PAN3: variants seen among roughly 807,000 people sequenced by gnomAD.
PAN3 encodes the protein PAN2-PAN3 deadenylation complex subunit PAN3.
In PAN3, 19 loss-of-function variants were observed where a neutral mutation model predicts 96.2. The ratio of observed to expected loss-of-function variants is 0.20; its 90% CI spans 0.14 to 0.29. PAN3 has a LOEUF of 0.29. Among genes scored for constraint, PAN3 ranks in the 10% least tolerant of loss-of-function variants. The pLI, the probability that PAN3 is intolerant of heterozygous loss-of-function variation, is 1.00. For synonymous variants in PAN3, 433 were observed against 406.6 expected (o/e 1.06, Z -0.78); for missense variants, 882 against 1,108.1 (o/e 0.80, Z 2.90).
At chr13:28,239,185 A>G (rs907044485) in intron 6 of PAN3, among the ~76,000 whole-genome samples, 1 of 104,094 alleles carries the variant, frequency 9.6e-6, no homozygotes. Context: ...ACACACACAC[A>G]CACGCATGCA....
intron 12 of PAN3, among the ~76,000 whole-genome samples, chr13:28,268,700 T>G (rs746611646): frequency 6.6e-6 from 1 of 152,160 alleles, no homozygotes; most frequent in Non-Finnish European, 1.5e-5. Context: ...ACTTGAAAAT[T>G]AAAGAGGAGG....
intron 14 of PAN3, among the ~76,000 whole-genome samples, chr13:28,272,522 A>G (rs1170192543): frequency 6.6e-6 from 1 of 151,526 alleles, no homozygotes; most frequent in Non-Finnish European, 1.5e-5. Flanking sequence ...TACTTAGTGT[A>G]GAGCCCTTGT....
At chr13:28,149,746 G>GT (rs1052907968) in intron 1 of PAN3, among the ~76,000 whole-genome samples, 20 of 152,120 alleles carry the variant, frequency 1.3e-4, no homozygotes, top group African/African-American at 4.6e-4. Context: ...CTCCTTAGTA[G>GT]TTAGGTCTAC....
chr13:28,286,822 T>A (rs1191684681), intron 17 of PAN3, among the ~76,000 whole-genome samples: 1 of 152,220 alleles, frequency 6.6e-6, no homozygotes, highest in Non-Finnish European at 1.5e-5. Context: ...TTTGCAAACA[T>A]ACATATATGA....
At chr13:28,268,633 A>G (rs1031097253) in intron 12 of PAN3, among the ~76,000 whole-genome samples, 16 of 152,266 alleles carry the variant, frequency 1.1e-4, no homozygotes, top group Non-Finnish European at 1.5e-4. Flanking sequence ...GTCTCAGTCT[A>G]TGGGGGCAAG....
chr13:28,184,853 C>T (rs1876260064), intron 4 of PAN3, among the ~76,000 whole-genome samples: 1 of 152,000 alleles, frequency 6.6e-6, no homozygotes, highest in Non-Finnish European at 1.5e-5. Context: ...TGTAAGAGGT[C>T]TTTGTACATT....
chr13:28,235,688 C>CACAT (rs199517103), intron 6 of PAN3, among the ~76,000 whole-genome samples: 1,938 of 101,992 alleles, frequency 0.019, 25 homozygotes, highest in African/African-American at 0.05. Context: ...AATATACACA[C>CACAT]ACACACATAC....
intron 5 of PAN3, among the ~76,000 whole-genome samples, chr13:28,216,693 C>G (rs1880810336): frequency 6.6e-6 from 1 of 152,072 alleles, no homozygotes; most frequent in Non-Finnish European, 1.5e-5. Context: ...GTTTCTCATT[C>G]ATCCCATCAT....
chr13:28,214,980 G>A, intron 5 of PAN3: 2 of 1,362,230 alleles, frequency 1.5e-6, no homozygotes, highest in Non-Finnish European at 1.0e-6. Context: ...TAACAAAATG[G>A]ATTCCACTGA....
At chr13:28,221,525 A>G (rs748822630) in intron 6 of PAN3, among the ~76,000 whole-genome samples, 7 of 152,140 alleles carry the variant, frequency 4.6e-5, no homozygotes, top group Non-Finnish European at 7.4e-5. Flanking sequence ...GAAAAATGGG[A>G]GAAGATAAAG....
intron 6 of PAN3, chr13:28,232,735 T>A (rs1882709770): frequency 6.6e-6 from 1 of 152,144 alleles, no homozygotes. Context: ...GTATTAGGAA[T>A]CACATTAAGT....
intron 6 of PAN3, among the ~76,000 whole-genome samples, chr13:28,238,653 G>A (rs527873826): frequency 1.3e-5 from 2 of 152,062 alleles, no homozygotes; most frequent in African/African-American, 4.8e-5. Flanking sequence ...AGTTGTATTG[G>A]CCACCTTCAT....
intron 6 of PAN3, among the ~76,000 whole-genome samples, chr13:28,226,560 A>G (rs1170653649): frequency 6.6e-6 from 1 of 152,228 alleles, no homozygotes; most frequent in East Asian, 1.9e-4. Flanking sequence ...ATGGTGTTTA[A>G]TAAATGCTTA....
At position 28,171,899 on chromosome 13, in the gene PAN3, C is replaced by A. The variant is rs1874357134; in HGVS notation, c.431-2373C>A. 3.3e-5 allele frequency among the ~76,000 whole-genome samples: 5 copies of A among 152,218 alleles called. No homozygotes were observed. The South Asian group carries it at 1.0e-3, about 32-fold the overall frequency. On this transcript the variant is annotated intron_variant, in intron 1 of 18. Coordinates refer to ENST00000380958, the MANE Select transcript of PAN3 (RefSeq NM_175854.8). ...CTGGTGAACGGCTCCCATCTAGGTACCTAACAAAAGTCACCTCATTAGAAC... is the reference window on the plus strand; with the variant it reads ...CTGGTGAACGGCTCCCATCTAGGTAACTAACAAAAGTCACCTCATTAGAAC...
intron 5 of PAN3, among the ~76,000 whole-genome samples, chr13:28,212,841 A>G (rs192289386): frequency 6.6e-6 from 1 of 152,306 alleles, no homozygotes; most frequent in East Asian, 1.9e-4. Context: ...GTGACCTAAT[A>G]TCCTTATAAT....
chr13:28,255,887 A>C (rs977976047), intron 6 of PAN3, among the ~76,000 whole-genome samples: 3 of 152,014 alleles, frequency 2.0e-5, no homozygotes, highest in African/African-American at 7.2e-5. Context: ...ATGATTCTTA[A>C]TAAAAAAGGA....
intron 4 of PAN3, among the ~76,000 whole-genome samples, chr13:28,183,481 G>C (rs1489089812): frequency 1.3e-5 from 2 of 152,170 alleles, no homozygotes; most frequent in East Asian, 3.8e-4. Flanking sequence ...TGCCATCTCA[G>C]CCTAAGCCAA....
chr13:28,167,049 T>C (rs1873636619), intron 1 of PAN3, among the ~76,000 whole-genome samples: 1 of 151,746 alleles, frequency 6.6e-6, no homozygotes, highest in African/African-American at 2.4e-5. Flanking sequence ...TCTATATGAA[T>C]CTCTTTACCT....
At position 28,264,247 on chromosome 13, in the gene PAN3, A is replaced by G. The variant is rs190123380; in HGVS notation, c.1412-2468A>G. Among the ~76,000 whole-genome samples, 849 of 152,298 alleles carry G rather than the reference A, an allele frequency of 5.6e-3. 5 individuals carry two copies. Among genetic ancestry groups the G allele is most frequent in the Middle Eastern group, 0.024 (7 of 294 alleles). ...GATGCTCTTTTAAAAAGATATAAAA[A>G]AGAAAAACGCGCCGGGCGCAGTGGC... On this transcript the variant is annotated intron_variant, in intron 9 of 18. Coordinates refer to ENST00000380958, the MANE Select transcript of PAN3 (RefSeq NM_175854.8).
Sources: gnomAD v4.1 joint callset for allele counts (sites outside exome capture counted in the v4.1 genomes callset) on GRCh38, gnomAD v4.1.1 for gene constraint, MANE v1.5 for transcripts, NCBI Gene and HGNC (gene_info 2026-07-23, HGNC 2026-07-21) for gene names.